The following DLC1 variants were observed in gnomAD, a reference collection of about 807,000 sequenced individuals.
The protein encoded by DLC1 is rho GTPase-activating protein 7.
DLC1 carries 54 observed loss-of-function variants against 140.3 expected under a neutral mutation model. That is an observed-to-expected ratio of 0.38 (90% CI 0.31 to 0.48). DLC1 has a LOEUF of 0.48. DLC1 is among the 20% of genes least tolerant of loss of function. The pLI is 0.96. For synonymous variants in DLC1, 986 were observed against 728.1 expected (o/e 1.35, Z -5.70); for missense variants, 2,536 against 1,907.0 (o/e 1.33, Z -6.14).
chr8:13,601,551 G>A (rs953355108), intron 1 of DLC1, among the ~76,000 whole-genome samples: 1 of 151,266 alleles, frequency 6.6e-6, no homozygotes, highest in Non-Finnish European at 1.5e-5. Context: ...GAAAGCACTT[G>A]TTAGAGTAAT....
At chr8:13,207,978 A>T (rs984516019) in intron 5 of DLC1, among the ~76,000 whole-genome samples, 1 of 152,222 alleles carries the variant, frequency 6.6e-6, no homozygotes, top group Non-Finnish European at 1.5e-5. Flanking sequence ...CTGAATTACC[A>T]GTTGAGATTC....
chr8:13,405,467 T>C (rs1837484531), intron 2 of DLC1, among the ~76,000 whole-genome samples: 2 of 152,222 alleles, frequency 1.3e-5, no homozygotes, highest in African/African-American at 4.8e-5. Context: ...AATTCGGAAA[T>C]ATAAAAGTTC....
intron 5 of DLC1, among the ~76,000 whole-genome samples, chr8:13,246,497 A>G (rs1156355978): frequency 6.6e-6 from 1 of 152,042 alleles, no homozygotes; most frequent in Non-Finnish European, 1.5e-5. Flanking sequence ...ACGGAGAGAG[A>G]AGGAGAGAGT....
At chr8:13,573,597 T>C (rs1338393243) in intron 1 of DLC1, among the ~76,000 whole-genome samples, 2 of 152,216 alleles carry the variant, frequency 1.3e-5, no homozygotes, top group African/African-American at 2.4e-5. Context: ...TTTTCATATA[T>C]GGCATTTTCA....
chr8:13,528,221 C>G (rs1585244295), intron 1 of DLC1, among the ~76,000 whole-genome samples: 1 of 152,090 alleles, frequency 6.6e-6, no homozygotes, highest in African/African-American at 2.4e-5. Flanking sequence ...ATTCACATTT[C>G]TACAATATTA....
chr8:13,525,679 G>A (rs1802899982), intron 1 of DLC1, among the ~76,000 whole-genome samples: 1 of 152,102 alleles, frequency 6.6e-6, no homozygotes, highest in African/African-American at 2.4e-5. Flanking sequence ...AAATTGGTTT[G>A]TTGGTTTCCT....
chr8:13,536,029 G>A (rs1306405267), intron 1 of DLC1: 2 of 152,166 alleles, frequency 1.3e-5, no homozygotes, highest in Non-Finnish European at 2.9e-5. Flanking sequence ...ACAACAAAGA[G>A]TCTACGGCCA....
chr8:13,528,517 G>T (rs973556111), intron 1 of DLC1, among the ~76,000 whole-genome samples: 1 of 152,060 alleles, frequency 6.6e-6, no homozygotes, highest in Non-Finnish European at 1.5e-5. Context: ...TATGCTGGAA[G>T]GTTGAATTTC....
chr8:13,329,258 T>A (rs2116936724), intron 4 of DLC1, among the ~76,000 whole-genome samples: 2 of 152,320 alleles, frequency 1.3e-5, no homozygotes, highest in South Asian at 4.1e-4. Context: ...GATTTATGAC[T>A]ATCTGCTGGT....
intron 5 of DLC1, among the ~76,000 whole-genome samples, chr8:13,257,348 G>A (rs1395274630): frequency 6.6e-6 from 1 of 151,034 alleles, no homozygotes; most frequent in African/African-American, 2.4e-5. Flanking sequence ...GATTTAGGTG[G>A]ATCACTTGAG....
At chr8:13,180,712 T>C (rs1258134065) in intron 5 of DLC1, among the ~76,000 whole-genome samples, 2 of 152,180 alleles carry the variant, frequency 1.3e-5, no homozygotes, top group East Asian at 3.8e-4. Flanking sequence ...GTCCTTAACA[T>C]GCCTATATAA....
chr8:13,589,664 T>C (rs1377843670), intron 1 of DLC1, among the ~76,000 whole-genome samples: 2 of 147,788 alleles, frequency 1.4e-5, no homozygotes, highest in Non-Finnish European at 3.0e-5. Context: ...TCATCCTTTC[T>C]GCCCAGTTCT....
intron 4 of DLC1, among the ~76,000 whole-genome samples, chr8:13,362,884 C>G (rs1190534650): frequency 6.6e-6 from 1 of 152,178 alleles, no homozygotes; most frequent in African/African-American, 2.4e-5. Context: ...CTTCTCATCA[C>G]TTAAGTGTTC....
chr8:13,230,038 C>T (rs1204610370), intron 5 of DLC1, among the ~76,000 whole-genome samples: 1 of 152,220 alleles, frequency 6.6e-6, no homozygotes, highest in Non-Finnish European at 1.5e-5. Flanking sequence ...TCTGTGGTAG[C>T]TGCAGGCTCA....
Position 13,100,788 on chromosome 8 carries a change from A to T in DLC1, c.1567-18T>A, listed in dbSNP as rs903887012. The T allele has an allele frequency of 6.5e-7, 1 of 1,541,532 alleles. No homozygotes were observed. The highest frequency in any genetic ancestry group is 1.4e-5 in the African/African-American group (1 of 72,638). On this transcript the variant is annotated intron_variant, in intron 8 of 17. Coordinates refer to ENST00000276297, the MANE Select transcript of DLC1 (RefSeq NM_182643.3). ...TCGTCACTCTGCAAAGACAGAAAGG[A>T]GCCATTCACACACTGGGGCTGGCAG...
rs759392511 is a variant in DLC1 at position 13,091,370 on chromosome 8, G to C, written c.3803C>G (p.Ala1268Gly). 2 of 1,614,160 alleles carry C rather than the reference G, an allele frequency of 1.2e-6. No homozygotes were observed. Among genetic ancestry groups the C allele is most frequent in the Non-Finnish European group, 1.7e-6 (2 of 1,180,024 alleles). The change falls in exon 14 of 18, where the codon GCT becomes GGT. Residue 1268 changes from alanine (A) to glycine (G), a missense_variant. Coordinates refer to ENST00000276297, the MANE Select transcript of DLC1 (RefSeq NM_182643.3). The part of the protein sequence containing the change: ...PDQKDLNENL[A>G]ATQGLAHMIA... The stretch of plus-strand genomic sequence containing the variant: ...CATATGGGCCAGCCCTTGAGTGGCA[G>C]CTAGGTTTTCATTCAAATCTTTCTG...
intron 5 of DLC1, among the ~76,000 whole-genome samples, chr8:13,211,604 T>C (rs1025164923): frequency 6.6e-6 from 1 of 152,174 alleles, no homozygotes; most frequent in African/African-American, 2.4e-5. Flanking sequence ...TATTGGTCTC[T>C]TTCTAAAACT....
At chr8:13,406,512 A>G (rs1357025008) in intron 2 of DLC1, among the ~76,000 whole-genome samples, 1 of 152,180 alleles carries the variant, frequency 6.6e-6, no homozygotes, top group Non-Finnish European at 1.5e-5. Flanking sequence ...CAGAAATAGC[A>G]GTGTCTTTAT....
At chr8:13,184,279 T>G (rs138309080) in intron 5 of DLC1, among the ~76,000 whole-genome samples, 7,916 of 152,206 alleles carry the variant, frequency 0.052, 234 homozygotes, top group Non-Finnish European at 0.071. Context: ...TCTGGATTCA[T>G]TGATTTTTTG....
Sources: allele counts gnomAD v4.1 joint callset (sites outside exome capture counted in the v4.1 genomes callset), GRCh38; gene constraint gnomAD v4.1.1; transcripts MANE v1.5; gene names NCBI Gene and HGNC (gene_info 2026-07-23, HGNC 2026-07-21).